Variants in ATE1 observed in about 807,000 individuals in gnomAD.
ATE1 encodes arginyl-tRNA--protein transferase 1.
Under a neutral mutation model 70.5 loss-of-function variants are expected in ATE1, and 36 were observed. The ratio of observed to expected loss-of-function variants is 0.51; its 90% confidence interval spans 0.39 to 0.67. ATE1 has a LOEUF of 0.67. ATE1 is among the 30% of genes least tolerant of loss of function. The pLI, the probability that ATE1 is intolerant of heterozygous loss-of-function variation, is 0.00. For missense variants in ATE1, 593 were observed against 629.5 expected, an observed-to-expected ratio of 0.94 and a Z score of 0.62; for synonymous variants, 232 against 219.3, an observed-to-expected ratio of 1.06 and a Z score of -0.51.
At chr10:121,908,460 C>T (rs778519931) in intron 5 of ATE1, among the ~76,000 whole-genome samples, 5 of 152,058 alleles carry the variant, frequency 3.3e-5, no homozygotes, top group African/African-American at 7.2e-5. Context: ...GCCCAGACCG[C>T]GCCACAGCAC....
At chr10:121,790,984 G>C (rs997086657) in intron 10 of ATE1, among the ~76,000 whole-genome samples, 1 of 150,090 alleles carries the variant, frequency 6.7e-6, no homozygotes, top group Non-Finnish European at 1.5e-5. Flanking sequence ...ATATATGTGT[G>C]TATACATACA....
intron 11 of ATE1, among the ~76,000 whole-genome samples, chr10:121,781,013 G>A (rs1047104141): frequency 9.2e-5 from 14 of 152,082 alleles, no homozygotes; most frequent in African/African-American, 3.1e-4. Context: ...TTAAATTTAT[G>A]TTTCTATTTT....
intron 3 of ATE1, among the ~76,000 whole-genome samples, chr10:121,917,293 C>T (rs745472354): frequency 1.3e-5 from 2 of 152,034 alleles, no homozygotes; most frequent in Admixed American, 6.6e-5. Flanking sequence ...GCACTTGATG[C>T]GTTTAAATAT....
rs540142180 is a variant in ATE1, at chr10:121,823,764, C to T, written c.1257+12954G>A. The stretch of plus-strand genomic sequence containing the variant: ...AGACAAAGGATCAGAAAAATATACA[C>T]GATTAAATGTACTTGAATTCCCCTT... On this transcript the variant is annotated intron_variant, in intron 10 of 11. Coordinates refer to ENST00000224652, the MANE Select transcript of ATE1 (RefSeq NM_001001976.3). Among the ~76,000 whole-genome samples, 7 of 152,312 alleles carry T rather than the reference C, an allele frequency of 4.6e-5. No homozygotes were observed. In the South Asian group the frequency reaches 1.0e-3, roughly 23 times the overall value.
At chr10:121,840,247 C>A (rs1808227276) in intron 9 of ATE1, among the ~76,000 whole-genome samples, 2 of 152,188 alleles carry the variant, frequency 1.3e-5, no homozygotes, top group African/African-American at 4.8e-5. Context: ...AGGAATTCCC[C>A]AGGTCTGTTC....
At chr10:121,805,916 T>C (rs1590348730) in intron 10 of ATE1, among the ~76,000 whole-genome samples, 1 of 152,170 alleles carries the variant, frequency 6.6e-6, no homozygotes, top group East Asian at 1.9e-4. Flanking sequence ...CTGGTAGATG[T>C]CACCTTAACC....
chr10:121,743,636 AATC>A lies in ATE1; in HGVS notation c.*41_*43del. ...GGTACTGAATATGTATCCTGGCACA[AATC>A]ATCAGCACAACACAGGAACTTCCCG... On this transcript the variant is annotated 3_prime_UTR_variant, in exon 12 of 12. Transcript: ENST00000224652. The A allele has an allele frequency of 6.6e-7, 1 of 1,525,504 alleles. No homozygotes were observed. The allele number at this position is 1,525,504 out of a possible 1,614,324, so 94.5% of individuals were successfully genotyped here. A position where few individuals can be genotyped will look rare whatever the true frequency, so the allele number is the denominator to read the frequency against.
chr10:121,854,638 T>C (rs949995583), intron 8 of ATE1, among the ~76,000 whole-genome samples: 2 of 152,116 alleles, frequency 1.3e-5, no homozygotes, highest in Non-Finnish European at 2.9e-5. Flanking sequence ...TCTGATTCAC[T>C]CGTGACCCAT....
intron 8 of ATE1, among the ~76,000 whole-genome samples, chr10:121,844,166 G>A (rs1049202817): frequency 2.0e-5 from 3 of 152,218 alleles, no homozygotes; most frequent in Non-Finnish European, 4.4e-5. Flanking sequence ...TTGGGAGGCC[G>A]ACGTGGGAGG....
intron 11 of ATE1, among the ~76,000 whole-genome samples, chr10:121,773,634 T>G (rs985944010): frequency 1.3e-5 from 2 of 152,202 alleles, no homozygotes; most frequent in Admixed American, 1.3e-4. Flanking sequence ...GGGACTTTTT[T>G]TTTAAAGTCT....
At chr10:121,850,615 G>A (rs1949016573) in intron 8 of ATE1, among the ~76,000 whole-genome samples, 1 of 152,180 alleles carries the variant, frequency 6.6e-6, no homozygotes, top group African/African-American at 2.4e-5. Flanking sequence ...CCACACTCTT[G>A]AGAATCACTG....
intron 9 of ATE1, 88 bp from the exon 10 acceptor site, chr10:121,836,905 T>C: frequency 1.2e-6 from 1 of 815,924 alleles, no homozygotes; most frequent in Non-Finnish European, 2.0e-6. Flanking sequence ...AAACATTTGA[T>C]AAAATCTGGT....
intron 7 of ATE1, among the ~76,000 whole-genome samples, chr10:121,883,531 G>A (rs1045512777): frequency 2.0e-5 from 3 of 152,106 alleles, no homozygotes; most frequent in African/African-American, 4.8e-5. Context: ...ACTGAAATAC[G>A]ACAAGAGCAG....
At chr10:121,756,074 C>G (rs751858632) in intron 11 of ATE1, among the ~76,000 whole-genome samples, 1 of 152,174 alleles carries the variant, frequency 6.6e-6, no homozygotes, top group Non-Finnish European at 1.5e-5. Flanking sequence ...TTCCTAGATA[C>G]AATGGGGGTA....
At chr10:121,797,059 G>T (rs1196216749) in intron 10 of ATE1, among the ~76,000 whole-genome samples, 2 of 152,150 alleles carry the variant, frequency 1.3e-5, no homozygotes, top group Non-Finnish European at 2.9e-5. Flanking sequence ...ATATCTTACT[G>T]GATAACAATG....
intron 10 of ATE1, among the ~76,000 whole-genome samples, chr10:121,804,530 C>A (rs867674441): frequency 2.6e-5 from 4 of 152,132 alleles, no homozygotes; most frequent in Non-Finnish European, 5.9e-5. Context: ...TGACAAGTTA[C>A]TATTACGGAG....
intron 7 of ATE1, among the ~76,000 whole-genome samples, chr10:121,882,068 T>C (rs1381848029): frequency 1.3e-5 from 2 of 152,278 alleles, no homozygotes; most frequent in East Asian, 1.9e-4. Context: ...AGAGCTAGGA[T>C]TACAGGCGTG....
intron 2 of ATE1, among the ~76,000 whole-genome samples, chr10:121,923,415 T>C (rs918340463): frequency 2.0e-5 from 3 of 152,106 alleles, no homozygotes; most frequent in Non-Finnish European, 2.9e-5. Context: ...CAGTGAGCTA[T>C]GATGATGGCA....
chr10:121,854,971 G>A (rs889215039), intron 8 of ATE1, among the ~76,000 whole-genome samples: 5 of 152,142 alleles, frequency 3.3e-5, no homozygotes, highest in Middle Eastern at 6.3e-3. Context: ...ACCCACAGTT[G>A]CACAACCAAG....
Sources: gnomAD v4.1 joint callset for allele counts (sites outside exome capture counted in the v4.1 genomes callset) on GRCh38, gnomAD v4.1.1 for gene constraint, MANE v1.5 for transcripts, NCBI Gene and HGNC (gene_info 2026-07-23, HGNC 2026-07-21) for gene names.